Variants in ANAPC1 observed in about 807,000 individuals in gnomAD.
The protein encoded by ANAPC1 is anaphase promoting complex subunit 1.
Under a neutral mutation model 208.0 loss-of-function variants are expected in ANAPC1, and 36 were observed. The observed-to-expected ratio is 0.17, with a 90% CI of 0.13 to 0.23. ANAPC1 has a LOEUF of 0.23. ANAPC1 is among the 10% of genes least tolerant of loss of function. The pLI, the probability that ANAPC1 is intolerant of heterozygous loss-of-function variation, is 1.00. For synonymous variants in ANAPC1, 378 were observed against 695.2 expected, an observed-to-expected ratio of 0.54 and a Z score of 7.18; for missense variants, 942 against 2,011.6, an observed-to-expected ratio of 0.47 and a Z score of 10.17.
intron 3 of ANAPC1, 148 bp downstream of exon 3, chr2:111,878,662 C>G: frequency 8.0e-7 from 1 of 1,256,276 alleles, no homozygotes; most frequent in Non-Finnish European, 1.1e-6. Context: ...CTGCCATTAT[C>G]TTCACATTAT....
chr2:111,832,937 C>CAAAAAAAAAAA (rs908553180), intron 20 of ANAPC1, among the ~76,000 whole-genome samples: 11,058 of 53,094 alleles, frequency 0.21, 2,787 homozygotes, highest in Non-Finnish European at 0.29. Flanking sequence ...GACTCAGTCT[C>CAAAAAAAAAAA]AAAAAAAAAA....
Position 111,872,653 on chromosome 2 carries a change from A to G in ANAPC1, c.588T>C (p.His196=). 6.2e-7 allele frequency: 1 copy of G among 1,613,448 alleles called. No individual in the cohort carries two copies. The highest frequency in any genetic ancestry group is 8.5e-7 in the Non-Finnish European group (1 of 1,179,434). Residue 196 remains histidine, a synonymous_variant, in exon 6 of 48, where the codon CAT becomes CAC. Coordinates refer to ENST00000341068, the MANE Select transcript of ANAPC1 (RefSeq NM_022662.4). ...ACCTGGGTGAACCTGGAGGTACTTC[A>G]TGTGAAGAAGCGCTTCGTTCAAACA... The part of the protein sequence containing the change: ...GLLFERSASS[H]EVPPGSPREP...
At chr2:111,833,596 TA>T (rs1680301070) in intron 19 of ANAPC1, among the ~76,000 whole-genome samples, 1 of 151,288 alleles carries the variant, frequency 6.6e-6, no homozygotes, top group Non-Finnish European at 1.5e-5. Flanking sequence ...GTCATGTCTA[TA>T]AACCTCAGTA....
intron 25 of ANAPC1, chr2:111,821,779 G>A (rs1367484865): frequency 3.1e-6 from 1 of 325,258 alleles, no homozygotes; most frequent in Non-Finnish European, 5.9e-6. Flanking sequence ...AAGATAATTG[G>A]AGAGTAATGA....
chr2:111,852,709 A>G (rs1681472232), intron 13 of ANAPC1, among the ~76,000 whole-genome samples: 1 of 152,046 alleles, frequency 6.6e-6, no homozygotes, highest in Admixed American at 6.6e-5. Flanking sequence ...ACAGTCTGTG[A>G]GCTAAGAATA....
At chr2:111,828,834 G>C (rs1229248585) in intron 21 of ANAPC1, among the ~76,000 whole-genome samples, 1 of 152,154 alleles carries the variant, frequency 6.6e-6, no homozygotes, top group Admixed American at 6.5e-5. Flanking sequence ...GTTTATGTTG[G>C]GGATGATGAA....
At chr2:111,788,942 T>C (rs1677717991) in intron 38 of ANAPC1, among the ~76,000 whole-genome samples, 1 of 152,100 alleles carries the variant, frequency 6.6e-6, no homozygotes, top group Non-Finnish European at 1.5e-5. Context: ...ATCGAGACCA[T>C]CCTGGCTAAC....
At chr2:111,883,905 C>A (rs1683469012) in intron 1 of ANAPC1, 37 bp downstream of exon 1, 1 of 152,286 alleles carries the variant, frequency 6.6e-6, no homozygotes, top group Non-Finnish European at 1.5e-5. Context: ...ACGCGGCGCG[C>A]GACAGACCAC....
At chr2:111,777,292 G>C (rs1677043252) in intron 45 of ANAPC1, among the ~76,000 whole-genome samples, 1 of 152,106 alleles carries the variant, frequency 6.6e-6, no homozygotes, top group Non-Finnish European at 1.5e-5. Context: ...AAGTAACAAA[G>C]GTGAATGAGC....
intron 34 of ANAPC1, among the ~76,000 whole-genome samples, chr2:111,797,281 G>T (rs960625126): frequency 6.6e-6 from 1 of 151,592 alleles, no homozygotes; most frequent in Non-Finnish European, 1.5e-5. Flanking sequence ...AAAGTTTTTT[G>T]AGAACACTCT....
At chr2:111,771,527 C>T (rs1676737357) in intron 47 of ANAPC1, among the ~76,000 whole-genome samples, 2 of 150,322 alleles carry the variant, frequency 1.3e-5, no homozygotes. Flanking sequence ...CTGGCAAATG[C>T]CTTTGGGGGA....
chr2:111,778,060 G>A, intron 45 of ANAPC1, among the ~76,000 whole-genome samples: 1 of 152,250 alleles, frequency 6.6e-6, no homozygotes, highest in African/African-American at 2.4e-5. Flanking sequence ...CCAAATCTGG[G>A]TCTGAAAGAT....
At chr2:111,819,941 T>G (rs1038589827) in intron 26 of ANAPC1, among the ~76,000 whole-genome samples, 1 of 152,246 alleles carries the variant, frequency 6.6e-6, no homozygotes, top group Non-Finnish European at 1.5e-5. Flanking sequence ...CAAGAGGCTG[T>G]TGCAACCCAT....
At chr2:111,838,376 G>A in intron 18 of ANAPC1, 62 bp downstream of exon 18, 1 of 1,357,046 alleles carries the variant, frequency 7.4e-7, no homozygotes, top group Non-Finnish European at 1.0e-6. Flanking sequence ...TACCACAGAA[G>A]TGGAAGAATA....
At chr2:111,796,141 C>T (rs1249850000) in intron 34 of ANAPC1, among the ~76,000 whole-genome samples, 2 of 151,942 alleles carry the variant, frequency 1.3e-5, no homozygotes, top group Admixed American at 1.3e-4. Flanking sequence ...ACGAGAATCA[C>T]TTGAGCCCGC....
At chr2:111,782,534 T>C (rs377596955) in intron 42 of ANAPC1, 27 bp from the exon 43 acceptor site, 33 of 1,613,066 alleles carry the variant, frequency 2.0e-5, no homozygotes, top group Non-Finnish European at 2.5e-5. Flanking sequence ...GAATTTAATA[T>C]AAGGTATTAC....
At chr2:111,861,425 A>G (rs3870231) in intron 10 of ANAPC1, among the ~76,000 whole-genome samples, 1 of 152,172 alleles carries the variant, frequency 6.6e-6, no homozygotes, top group East Asian at 1.9e-4. Context: ...ACCAGAGTGG[A>G]AGTACTTGTA....
rs1680274422 is a variant in ANAPC1 at position 111,833,435 on chromosome 2, A to G, written c.2385-124T>C. ...ACATATGAGAAAGATAACCAAATCT[A>G]GAGTCTCTCTATTGTATTTTTGGAC... On this transcript the variant is annotated intron_variant, in intron 19 of 47. Transcript: ENST00000341068. 1.0e-5 allele frequency: 14 copies of G among 1,336,152 alleles called. 2 individuals are homozygous for G. The highest frequency in any genetic ancestry group is 2.9e-4 in the Middle Eastern group (1 of 3,474). The allele number at this position is 1,336,152 out of a possible 1,614,324, so 82.8% of individuals were successfully genotyped here.
chr2:111,836,252 C>T (rs542241281), intron 18 of ANAPC1, among the ~76,000 whole-genome samples: 77 of 151,374 alleles, frequency 5.1e-4, no homozygotes, highest in African/African-American at 1.8e-3. Flanking sequence ...GCCCCTACCC[C>T]TCAAAGTGCT....
Sources: gnomAD v4.1 joint callset for allele counts (sites outside exome capture counted in the v4.1 genomes callset) on GRCh38, gnomAD v4.1.1 for gene constraint, MANE v1.5 for transcripts, NCBI Gene and HGNC (gene_info 2026-07-23, HGNC 2026-07-21) for gene names.